The following DOCK2 variants were observed in gnomAD, a reference collection of about 807,000 sequenced individuals.
DOCK2 encodes dedicator of cytokinesis 2, also known as dedicator of cytokinesis protein 2.
A neutral mutation model predicts 248.9 loss-of-function variants in DOCK2; 87 were observed. The observed-to-expected ratio is 0.35, with a 90% CI of 0.29 to 0.42. The LOEUF is 0.42. DOCK2 is among the 10% of genes least tolerant of loss of function. DOCK2 has a pLI of 1.00. For missense variants in DOCK2, 1,747 were observed against 2,300.2 expected (o/e 0.76, Z 4.92); for synonymous variants, 805 against 821.6 (o/e 0.98, Z 0.35).
At position 169,840,803 on chromosome 5, in the gene DOCK2, G is replaced by A. The variant is rs765098414; in HGVS notation, c.2750G>A (p.Arg917Gln). The A allele has an allele frequency of 8.1e-6, 13 of 1,613,738 alleles. No individual in the cohort carries two copies. The highest frequency in any genetic ancestry group is 1.7e-5 in the Admixed American group (1 of 59,980). ...HIQEIMVQLL[R>Q]TVNRTVITMG... ...CAGGAGATCATGGTCCAGCTGCTGCGGACAGTGAACCGGACAGTCATCACC... is the reference window on the plus strand; with the variant it reads ...CAGGAGATCATGGTCCAGCTGCTGCAGACAGTGAACCGGACAGTCATCACC... The change falls in exon 27 of 52, where the codon CGG (arginine) becomes CAG (glutamine). Residue 917 changes from arginine to glutamine, a missense_variant. Arg to Gln is a conservative substitution (Grantham distance 43). This residue lies in a region of DOCK2 where 858 missense variants were observed against 1,183.5 expected (regional missense o/e 0.72). Coordinates refer to ENST00000520908, the MANE Select transcript of DOCK2 (RefSeq NM_004946.3).
At chr5:169,641,763 G>A (rs1033762343) in intron 1 of DOCK2, among the ~76,000 whole-genome samples, 10 of 152,058 alleles carry the variant, frequency 6.6e-5, no homozygotes, top group Non-Finnish European at 1.0e-4. Flanking sequence ...TTGTTCCTTC[G>A]TAACTGATAC....
chr5:169,815,643 T>C (rs1209441675), intron 26 of DOCK2, among the ~76,000 whole-genome samples: 1 of 152,248 alleles, frequency 6.6e-6, no homozygotes, highest in Non-Finnish European at 1.5e-5. Flanking sequence ...GTTTTTGCAT[T>C]AATTTTTTAA....
chr5:169,906,485 C>T (rs261045), intron 27 of DOCK2, among the ~76,000 whole-genome samples: 110,629 of 152,068 alleles, frequency 0.73, 40,692 homozygotes, highest in African/African-American at 0.82. Flanking sequence ...TATTTTGTTA[C>T]GTTATGTTAT....
intron 25 of DOCK2, among the ~76,000 whole-genome samples, chr5:169,799,047 C>G (rs915204993): frequency 2.6e-5 from 4 of 152,174 alleles, no homozygotes; most frequent in African/African-American, 9.7e-5. Flanking sequence ...AATCCAAATA[C>G]GTTATGTCAG....
intron 26 of DOCK2, among the ~76,000 whole-genome samples, chr5:169,804,485 T>C (rs61052783): frequency 0.18 from 12,302 of 67,652 alleles, 1,155 homozygotes; most frequent in African/African-American, 0.28. Context: ...TGTGTGTGTG[T>C]GCGCGCGCGC....
chr5:170,028,734 T>C (rs1756013638), intron 34 of DOCK2, among the ~76,000 whole-genome samples: 1 of 136,824 alleles, frequency 7.3e-6, no homozygotes, highest in South Asian at 2.4e-4. Flanking sequence ...TAGCCACTGC[T>C]CTGCCAACAC....
At chr5:169,890,167 G>T (rs962095097) in intron 27 of DOCK2, among the ~76,000 whole-genome samples, 2 of 152,190 alleles carry the variant, frequency 1.3e-5, no homozygotes, top group African/African-American at 4.8e-5. Context: ...TGGAGACCCC[G>T]ACTCTTCCTC....
chr5:169,693,827 C>T (rs1464666021), intron 9 of DOCK2, among the ~76,000 whole-genome samples: 1 of 152,164 alleles, frequency 6.6e-6, no homozygotes, highest in Admixed American at 6.5e-5. Flanking sequence ...GATTTCTATA[C>T]TACAGTCTTG....
intron 26 of DOCK2, among the ~76,000 whole-genome samples, chr5:169,827,770 C>T (rs1247505947): frequency 6.6e-6 from 1 of 152,068 alleles, no homozygotes; most frequent in African/African-American, 2.4e-5. Flanking sequence ...GAGCACACAG[C>T]CTAAGCTTTC....
chr5:169,645,152 T>C (rs186494770), intron 1 of DOCK2, among the ~76,000 whole-genome samples: 1 of 152,364 alleles, frequency 6.6e-6, no homozygotes, highest in African/African-American at 2.4e-5. Context: ...CCTTTGGGTA[T>C]ATACCTAGTA....
intron 27 of DOCK2, among the ~76,000 whole-genome samples, chr5:169,871,000 G>A (rs1487446753): frequency 6.6e-6 from 1 of 152,132 alleles, no homozygotes; most frequent in Admixed American, 6.5e-5. Context: ...CCCTCTTCCT[G>A]GTCTACAGAC....
chr5:170,039,980 G>A (rs1203541120), intron 36 of DOCK2, among the ~76,000 whole-genome samples: 3 of 152,194 alleles, frequency 2.0e-5, no homozygotes, highest in Admixed American at 6.5e-5. Flanking sequence ...TGTTTCCAAC[G>A]GTGGCAGGAG....
intron 27 of DOCK2, chr5:169,864,609 A>C: frequency 1.6e-6 from 1 of 633,774 alleles, no homozygotes; most frequent in Admixed American, 3.2e-5. Flanking sequence ...GACCTTGGGA[A>C]AGTGATGCCA....
At chr5:169,863,750 A>G (rs1771353872) in intron 27 of DOCK2, among the ~76,000 whole-genome samples, 1 of 152,204 alleles carries the variant, frequency 6.6e-6, no homozygotes, top group African/African-American at 2.4e-5. Context: ...TAAGCATTTT[A>G]TGCCCTGCCC....
Position 169,702,298 on chromosome 5 carries a change from C to T in DOCK2, c.1259-5C>T. On this transcript the variant is annotated splice_polypyrimidine_tract_variant and splice_region_variant and intron_variant, in intron 13 of 51. Transcript: ENST00000520908. ...AACTCTTGTCTCTCTCTCCCTCTGC[C>T]TCAGGGGATGTCAGGAACGACATCT... The T allele has an allele frequency of 1.2e-6, 2 of 1,613,520 alleles. No homozygotes were observed. Among genetic ancestry groups the T allele is most frequent in the South Asian group, 2.2e-5 (2 of 91,038 alleles).
At chr5:169,971,726 G>A (rs1461582736) in intron 27 of DOCK2, among the ~76,000 whole-genome samples, 10 of 152,202 alleles carry the variant, frequency 6.6e-5, no homozygotes, top group Non-Finnish European at 1.5e-4. Context: ...TGGCCTGAAG[G>A]CAACACAGTA....
intron 22 of DOCK2, among the ~76,000 whole-genome samples, chr5:169,730,520 C>T (rs1209798499): frequency 2.0e-5 from 3 of 152,262 alleles, no homozygotes; most frequent in East Asian, 1.9e-4. Flanking sequence ...TAACTAAAAA[C>T]GCTTGTATGG....
intron 5 of DOCK2, among the ~76,000 whole-genome samples, chr5:169,672,437 A>G (rs1561586550): frequency 6.6e-6 from 1 of 152,230 alleles, no homozygotes; most frequent in Non-Finnish European, 1.5e-5. Context: ...GTACTTCGGT[A>G]TCACATTCCT....
At chr5:169,961,658 A>T (rs2113745927) in intron 27 of DOCK2, among the ~76,000 whole-genome samples, 1 of 152,250 alleles carries the variant, frequency 6.6e-6, no homozygotes, top group South Asian at 2.1e-4. Context: ...AGTGCTAAGA[A>T]GGACAAGTAT....
Sources: gnomAD v4.1 joint callset for allele counts (sites outside exome capture counted in the v4.1 genomes callset) on GRCh38, gnomAD v4.1.1 for gene constraint, gnomAD v4.1.1 regional missense constraint, MANE v1.5 for transcripts, NCBI Gene and HGNC (gene_info 2026-07-23, HGNC 2026-07-21) for gene names.